TBC1D1: variants seen among roughly 807,000 people sequenced by gnomAD.
TBC1D1 encodes TBC1 (tre-2/USP6, BUB2, cdc16) domain family, member 1.
In TBC1D1, 89 loss-of-function variants were observed where a neutral mutation model predicts 125.6. The observed-to-expected ratio is 0.71, with a 90% confidence interval of 0.60 to 0.85. The LOEUF (loss-of-function observed/expected upper bound fraction) is 0.85, where lower values mean the gene tolerates loss of function less well. Among genes scored for constraint, TBC1D1 ranks in the 40% least tolerant of loss-of-function variants. TBC1D1 has a pLI of 0.00. For synonymous variants in TBC1D1, 565 were observed against 564.1 expected (o/e 1.00, Z -0.02); for missense variants, 1,377 against 1,469.2 (o/e 0.94, Z 1.03).
chr4:37,924,852 T>C (rs1721730820), intron 2 of TBC1D1, among the ~76,000 whole-genome samples: 2 of 152,236 alleles, frequency 1.3e-5, no homozygotes, highest in East Asian at 3.8e-4. Context: ...CAAATACCTG[T>C]TTGAGTCCCT....
intron 2 of TBC1D1, among the ~76,000 whole-genome samples, chr4:37,920,998 T>C (rs1171400108): frequency 6.7e-6 from 1 of 149,578 alleles, no homozygotes; most frequent in Non-Finnish European, 1.5e-5. Context: ...TAGTCCCAGC[T>C]ACTCAGGAGG....
chr4:37,978,673 C>A (rs1416605706), intron 2 of TBC1D1, among the ~76,000 whole-genome samples: 2 of 152,148 alleles, frequency 1.3e-5, no homozygotes, highest in African/African-American at 4.8e-5. Context: ...AAATAACATT[C>A]CATTAGAATC....
At chr4:38,091,525 A>G (rs1444230898) in intron 13 of TBC1D1, among the ~76,000 whole-genome samples, 6 of 152,342 alleles carry the variant, frequency 3.9e-5, no homozygotes, top group African/African-American at 1.2e-4. Flanking sequence ...GTTCGTGTGT[A>G]TCTTGGGATT....
chr4:38,024,844 G>T (rs1476752038), intron 6 of TBC1D1, among the ~76,000 whole-genome samples: 1 of 152,204 alleles, frequency 6.6e-6, no homozygotes, highest in Non-Finnish European at 1.5e-5. Context: ...GATTAGTGAT[G>T]TGGCCACACA....
chr4:38,006,486 T>TG (rs1345070946), intron 2 of TBC1D1, among the ~76,000 whole-genome samples: 1 of 148,390 alleles, frequency 6.7e-6, no homozygotes, highest in Non-Finnish European at 1.5e-5. Context: ...TTTTTTTTTT[T>TG]TTTTTTTTTT....
At position 37,995,317 on chromosome 4, in the gene TBC1D1, T is replaced by C. The variant is rs143058672; in HGVS notation, c.418-19192T>C. Among the ~76,000 whole-genome samples the C allele has an allele frequency of 2.0e-5, 3 of 152,366 alleles. No individual in the cohort carries two copies. The highest frequency in any genetic ancestry group is 2.9e-5 in the Non-Finnish European group (2 of 68,030). Reference sequence around the variant, plus strand: ...CTTCGTTGTCTGTGCAACTTCATACTGTTTCATTCTTGTCCTGTATAGTAT... The same window carrying C: ...CTTCGTTGTCTGTGCAACTTCATACCGTTTCATTCTTGTCCTGTATAGTAT... On this transcript the variant is annotated intron_variant, in intron 2 of 19. Coordinates refer to ENST00000261439, the MANE Select transcript of TBC1D1 (RefSeq NM_015173.4). The surrounding 1 kb of genome is among the most constrained non-coding windows in gnomAD (Gnocchi z 4.3).
chr4:37,993,524 C>T (rs780037322), intron 2 of TBC1D1, among the ~76,000 whole-genome samples: 3 of 152,188 alleles, frequency 2.0e-5, no homozygotes, highest in Non-Finnish European at 4.4e-5. Flanking sequence ...CAGCAAGTCA[C>T]TGAAGCCCCT....
intron 11 of TBC1D1, 104 bp downstream of exon 11, chr4:38,050,002 G>C: frequency 5.3e-6 from 7 of 1,315,428 alleles, no homozygotes; most frequent in Non-Finnish European, 5.2e-6. Flanking sequence ...AATGAGTCAG[G>C]CTTTACTCTT....
At chr4:37,969,628 T>G (rs1248173166) in intron 2 of TBC1D1, among the ~76,000 whole-genome samples, 3 of 152,228 alleles carry the variant, frequency 2.0e-5, no homozygotes, top group Non-Finnish European at 2.9e-5. Context: ...ATTACAGGCA[T>G]GAGTCACCAC....
chr4:38,086,126 A>G (rs754512036), intron 12 of TBC1D1, among the ~76,000 whole-genome samples: 2 of 151,660 alleles, frequency 1.3e-5, no homozygotes, highest in Non-Finnish European at 2.9e-5. Flanking sequence ...ATGAACAAAA[A>G]ATATTATACA....
chr4:37,908,436 C>A (rs1008825271), intron 2 of TBC1D1, among the ~76,000 whole-genome samples: 1 of 152,150 alleles, frequency 6.6e-6, no homozygotes, highest in African/African-American at 2.4e-5. Flanking sequence ...GAACTCCTGG[C>A]CTCAAGTGAT....
chr4:37,974,687 A>T (rs1410630140), intron 2 of TBC1D1, among the ~76,000 whole-genome samples: 1 of 152,120 alleles, frequency 6.6e-6, no homozygotes, highest in African/African-American at 2.4e-5. Flanking sequence ...CCTCCTGAGT[A>T]GCTGGGATTA....
intron 10 of TBC1D1, among the ~76,000 whole-genome samples, chr4:38,047,874 C>G (rs898132441): frequency 6.6e-6 from 1 of 152,164 alleles, no homozygotes; most frequent in Non-Finnish European, 1.5e-5. Flanking sequence ...TGTCAATAGA[C>G]ATACCATGAA....
intron 12 of TBC1D1, among the ~76,000 whole-genome samples, chr4:38,070,466 C>T (rs542735406): frequency 2.0e-5 from 3 of 152,300 alleles, no homozygotes; most frequent in African/African-American, 7.2e-5. Flanking sequence ...GCTCCTGCAT[C>T]GCCCACATCT....
intron 2 of TBC1D1, among the ~76,000 whole-genome samples, chr4:37,966,672 T>C (rs1241085549): frequency 6.6e-6 from 1 of 152,218 alleles, no homozygotes; most frequent in African/African-American, 2.4e-5. Context: ...AGGATACATG[T>C]ACGAAACGTG....
intron 2 of TBC1D1, among the ~76,000 whole-genome samples, chr4:37,982,422 A>G (rs529210390): frequency 1.4e-4 from 21 of 152,214 alleles, no homozygotes; most frequent in African/African-American, 4.3e-4. Flanking sequence ...TTTAATAAGG[A>G]GGGGAGAACT....
At chr4:38,088,156 TA>T (rs750322701) in intron 12 of TBC1D1, among the ~76,000 whole-genome samples, 7 of 149,734 alleles carry the variant, frequency 4.7e-5, no homozygotes, top group Non-Finnish European at 8.9e-5. Flanking sequence ...GGTAAAAGAA[TA>T]AAAAAAAAGA....
At chr4:37,982,117 T>G (rs982763415) in intron 2 of TBC1D1, among the ~76,000 whole-genome samples, 2 of 152,230 alleles carry the variant, frequency 1.3e-5, no homozygotes, top group Non-Finnish European at 2.9e-5. Context: ...CTGTCCTGAC[T>G]CTGGGCTTAT....
Position 37,972,969 on chromosome 4 carries a change from T to C in TBC1D1, c.418-41540T>C, listed in dbSNP as rs1290508234. On this transcript the variant is annotated intron_variant, in intron 2 of 19. Coordinates refer to ENST00000261439, the MANE Select transcript of TBC1D1 (RefSeq NM_015173.4). ...GGATTAGATTTTCTGATGTTAAGTT[T>C]CCTTTTGATGGAATTCCAGATTATA... Among the ~76,000 whole-genome samples, 3 of 152,066 alleles carry C rather than the reference T, an allele frequency of 2.0e-5. 1 individual carries two copies. Among genetic ancestry groups the C allele is most frequent in the Non-Finnish European group, 4.4e-5 (3 of 68,012 alleles).
Sources: gnomAD v4.1 joint callset for allele counts (sites outside exome capture counted in the v4.1 genomes callset) on GRCh38, gnomAD v4.1.1 for gene constraint, Gnocchi (gnomAD v3.1) non-coding constraint, MANE v1.5 for transcripts, NCBI Gene and HGNC (gene_info 2026-07-23, HGNC 2026-07-21) for gene names.